GRIK2: variants seen among roughly 807,000 people sequenced by gnomAD.
GRIK2 encodes glutamate receptor ionotropic, kainate 2.
In GRIK2, 32 loss-of-function variants were observed where a neutral mutation model predicts 100.3. The observed-to-expected ratio is 0.32, with a 90% confidence interval of 0.24 to 0.43. GRIK2 has a LOEUF of 0.43. GRIK2 is among the 20% of genes least tolerant of loss of function. The pLI is 1.00. For synonymous variants in GRIK2, 417 were observed against 389.4 expected, an observed-to-expected ratio of 1.07 and a Z score of -0.83; for missense variants, 843 against 1,114.9, an observed-to-expected ratio of 0.76 and a Z score of 3.47.
intron 4 of GRIK2, among the ~76,000 whole-genome samples, chr6:101,650,417 T>G (rs2128328085): frequency 6.6e-6 from 1 of 152,194 alleles, no homozygotes; most frequent in Non-Finnish European, 1.5e-5. Context: ...CTTTTCAGTT[T>G]AAGTCTCCAA....
At chr6:101,643,526 G>A (rs570439716) in intron 4 of GRIK2, among the ~76,000 whole-genome samples, 4 of 151,692 alleles carry the variant, frequency 2.6e-5, no homozygotes, top group African/African-American at 7.2e-5. Flanking sequence ...TGTTGAAAAT[G>A]AAAATTATTT....
chr6:101,916,267 C>G (rs1789096953), intron 12 of GRIK2, among the ~76,000 whole-genome samples: 1 of 151,282 alleles, frequency 6.6e-6, no homozygotes, highest in African/African-American at 2.4e-5. Flanking sequence ...AGTTAATACA[C>G]TTATTAACTA....
chr6:102,008,429 C>T (rs531373888), intron 14 of GRIK2, among the ~76,000 whole-genome samples: 1 of 152,068 alleles, frequency 6.6e-6, no homozygotes, highest in East Asian at 1.9e-4. Context: ...CGCCTGATGA[C>T]AGAGAACTAG....
At chr6:101,959,498 A>G (rs1792150404) in intron 14 of GRIK2, among the ~76,000 whole-genome samples, 1 of 152,070 alleles carries the variant, frequency 6.6e-6, no homozygotes, top group African/African-American at 2.4e-5. Flanking sequence ...CTAGCTAACA[A>G]TCTATCAATA....
chr6:101,661,724 G>A (rs1769629380), intron 4 of GRIK2, among the ~76,000 whole-genome samples: 1 of 152,090 alleles, frequency 6.6e-6, no homozygotes, highest in African/African-American at 2.4e-5. Context: ...TTGGCTAGGG[G>A]AGGGAGTTCC....
intron 4 of GRIK2, among the ~76,000 whole-genome samples, chr6:101,656,705 G>A (rs575918125): frequency 2.6e-5 from 4 of 152,264 alleles, no homozygotes; most frequent in Admixed American, 2.6e-4. Context: ...TCCCAGTTAA[G>A]GCTGTATTAC....
chr6:101,944,930 G>T (rs1310011896), intron 14 of GRIK2, among the ~76,000 whole-genome samples: 2 of 151,966 alleles, frequency 1.3e-5, no homozygotes, highest in Non-Finnish European at 2.9e-5. Flanking sequence ...TGACTTCAGT[G>T]TTAATAATTC....
intron 14 of GRIK2, among the ~76,000 whole-genome samples, chr6:102,006,318 G>C (rs1216018061): frequency 6.7e-6 from 1 of 148,178 alleles, no homozygotes; most frequent in African/African-American, 2.5e-5. Context: ...ACAATAGTTA[G>C]GAAATGTTAG....
At chr6:101,437,172 G>A (rs1346012488) in intron 2 of GRIK2, among the ~76,000 whole-genome samples, 3 of 151,992 alleles carry the variant, frequency 2.0e-5, no homozygotes, top group Non-Finnish European at 4.4e-5. Flanking sequence ...ATGCAAGCAA[G>A]CAACAATAGA....
intron 2 of GRIK2, among the ~76,000 whole-genome samples, chr6:101,460,972 A>G (rs535926006): frequency 1.3e-5 from 2 of 152,348 alleles, no homozygotes; most frequent in East Asian, 1.9e-4. Flanking sequence ...GCATACTTTT[A>G]GTATCAATGT....
intron 14 of GRIK2, among the ~76,000 whole-genome samples, chr6:101,964,424 T>C (rs1359258827): frequency 6.6e-6 from 1 of 152,134 alleles, no homozygotes; most frequent in Non-Finnish European, 1.5e-5. Context: ...GGGGTTTCAG[T>C]ACCAGACCTG....
rs1230210902 is a variant in GRIK2, at chr6:102,068,425, G to A, written c.2641G>A (p.Ala881Thr). 19 of 1,611,922 alleles carry A rather than the reference G, an allele frequency of 1.2e-5. No individual in the cohort carries two copies. Among genetic ancestry groups the A allele is most frequent in the Non-Finnish European group, 1.6e-5 (19 of 1,178,552 alleles). The change falls in exon 17 of 17, where the codon GCC becomes ACC. Residue 881 changes from alanine (A) to threonine (T), a missense_variant. This residue lies in a region of GRIK2 where 87 missense variants were observed against 83.2 expected (regional missense o/e 1.05). Transcript: ENST00000369134. ...GCGTCGGTTAAAACATAAGCCACAG[G>A]CCCCAGTTATTGTGAAAACAGAAGA... is the stretch of plus-strand genomic sequence containing the variant. The part of the protein sequence containing the change: ...CQRRLKHKPQ[A>T]PVIVKTEEVI...
intron 7 of GRIK2, among the ~76,000 whole-genome samples, chr6:101,793,178 T>G (rs1369520902): frequency 6.6e-6 from 1 of 152,228 alleles, no homozygotes; most frequent in Non-Finnish European, 1.5e-5. Flanking sequence ...TCGGAGTAGT[T>G]TGATCATCTG....
At chr6:101,619,181 G>C (rs1321765727) in intron 2 of GRIK2, among the ~76,000 whole-genome samples, 1 of 150,340 alleles carries the variant, frequency 6.7e-6, no homozygotes, top group Non-Finnish European at 1.5e-5. Context: ...CACATACAAG[G>C]GGTAATAAGC....
intron 2 of GRIK2, among the ~76,000 whole-genome samples, chr6:101,436,895 A>G (rs148817148): frequency 8.8e-4 from 133 of 151,324 alleles, no homozygotes; most frequent in African/African-American, 2.9e-3. Flanking sequence ...TTAAAATTAT[A>G]TTGTAAATTT....
At chr6:101,635,327 TA>T (rs1224979132) in intron 4 of GRIK2, among the ~76,000 whole-genome samples, 1 of 152,062 alleles carries the variant, frequency 6.6e-6, no homozygotes, top group African/African-American at 2.4e-5. Context: ...TAAGCAATCA[TA>T]AAAATTTTTT....
At chr6:101,982,004 AAAAC>A (rs1582662194) in intron 14 of GRIK2, among the ~76,000 whole-genome samples, 1 of 151,890 alleles carries the variant, frequency 6.6e-6, no homozygotes. Context: ...GAAAATATAA[AAAAC>A]AAACACTTTT....
At chr6:101,408,257 C>A (rs928610633) in intron 2 of GRIK2, among the ~76,000 whole-genome samples, 10 of 152,016 alleles carry the variant, frequency 6.6e-5, no homozygotes, top group African/African-American at 2.4e-4. Context: ...AAAGACACAT[C>A]TTGGTCCTTG....
chr6:101,723,687 TAAGTG>T (rs1401574740), intron 7 of GRIK2, among the ~76,000 whole-genome samples: 3 of 151,982 alleles, frequency 2.0e-5, no homozygotes, highest in Non-Finnish European at 4.4e-5. Context: ...GAATAAATAG[TAAGTG>T]AAGTCTAATA....
Sources: allele counts gnomAD v4.1 joint callset (sites outside exome capture counted in the v4.1 genomes callset), GRCh38; gene constraint gnomAD v4.1.1; regional missense constraint gnomAD v4.1.1; transcripts MANE v1.5; gene names NCBI Gene and HGNC (gene_info 2026-07-23, HGNC 2026-07-21).